EHMT2: variants seen among roughly 807,000 people sequenced by gnomAD.
EHMT2 encodes the protein histone-lysine N-methyltransferase EHMT2.
In EHMT2, 59 loss-of-function variants were observed where a neutral mutation model predicts 143.3. The ratio of observed to expected loss-of-function variants is 0.41; its 90% CI spans 0.33 to 0.51. The LOEUF (loss-of-function observed/expected upper bound fraction) is 0.51. Among genes scored for constraint, EHMT2 ranks in the 20% least tolerant of loss-of-function variants. EHMT2 has a pLI of 0.18. For synonymous variants in EHMT2, 604 were observed against 651.5 expected (o/e 0.93, Z 1.11); for missense variants, 1,174 against 1,645.9 (o/e 0.71, Z 4.96).
chr6:31,892,330 G>C (rs1303876622), intron 7 of EHMT2, 77 bp downstream of exon 7: 2 of 1,506,112 alleles, frequency 1.3e-6, no homozygotes, highest in Non-Finnish European at 9.0e-7. Flanking sequence ...CAGAAAAACA[G>C]GGAACAAGGA....
chr6:31,888,003 G>C lies in EHMT2; in HGVS notation c.1745+38C>G. On this transcript the variant is annotated intron_variant, in intron 13 of 27. Coordinates refer to ENST00000375537, the Ensembl canonical transcript of EHMT2. This position sits in a 1 kb window ranked among gnomAD's most constrained non-coding sequence, Gnocchi z 7.4. The stretch of plus-strand genomic sequence containing the variant: ...TCATGTCCAGGAGCAATAGGGGTGG[G>C]GGAGGGAACAGACAGTACAGAAGGG... 1 of 1,569,462 alleles carries C rather than the reference G, an allele frequency of 6.4e-7. No homozygotes were observed. Among genetic ancestry groups the C allele is most frequent in the Non-Finnish European group, 8.7e-7 (1 of 1,155,850 alleles).
At chr6:31,887,175 T>C in intron 15 of EHMT2, 74 bp from the exon 16 acceptor site, 1 of 1,308,290 alleles carries the variant, frequency 7.6e-7, no homozygotes, top group Admixed American at 2.2e-5. Flanking sequence ...GTGGCACTTC[T>C]TTCAGGAAGG....
Position 31,883,263 on chromosome 6 carries a change from T to G in EHMT2, c.2994+99A>C. 10 of 1,226,474 alleles carry G rather than the reference T, an allele frequency of 8.2e-6. No individual in the cohort carries two copies. The highest frequency in any genetic ancestry group is 1.2e-5 in the Non-Finnish European group (10 of 851,966). The allele number at this position is 1,226,474 out of a possible 1,614,324, so 76.0% of individuals were successfully genotyped here. A position where few individuals can be genotyped will look rare whatever the true frequency, so the allele number is the denominator to read the frequency against. ...CCTCTCAGTCACTTCCCCCACAGGGTAGGAGGTGAGGGACATGGTCCCAGG... is the reference window on the plus strand; with the variant it reads ...CCTCTCAGTCACTTCCCCCACAGGGGAGGAGGTGAGGGACATGGTCCCAGG... On this transcript the variant is annotated intron_variant, in intron 23 of 27. Transcript: ENST00000375537. The surrounding 1 kb of genome is among the most constrained non-coding windows in gnomAD (Gnocchi z 5.6).
rs887059112 is a variant in EHMT2, at chr6:31,889,690, G to A, written c.865-88C>T. The A allele has an allele frequency of 1.2e-5, 18 of 1,536,194 alleles. No individual in the cohort carries two copies. The highest frequency in any genetic ancestry group is 5.5e-5 in the African/African-American group (4 of 73,270). On this transcript the variant is annotated intron_variant, in intron 7 of 27. Transcript: ENST00000375537. The surrounding 1 kb of genome is among the most constrained non-coding windows in gnomAD (Gnocchi z 5.1). Reference sequence around the variant, plus strand: ...AAAACCACCACCACCATTGCCCCCCGCCACTACCCACGGATGGCTGCTGGG... The same window carrying A: ...AAAACCACCACCACCATTGCCCCCCACCACTACCCACGGATGGCTGCTGGG...
rs767697156 is a variant in EHMT2 at position 31,885,021 on chromosome 6, G to A, written c.2344-5C>T. Reference sequence around the variant, plus strand: ...GGGCGTCCACCCCCCACTGTCCTGTGGGTGGGAAGGGAGTGAGGGTGGGGG... The same window carrying A: ...GGGCGTCCACCCCCCACTGTCCTGTAGGTGGGAAGGGAGTGAGGGTGGGGG... On this transcript the variant is annotated splice_region_variant and splice_polypyrimidine_tract_variant and intron_variant, in intron 18 of 27. Transcript: ENST00000375537. 3.7e-6 allele frequency: 6 copies of A among 1,600,662 alleles called. No individual in the cohort carries two copies. In the African/African-American group the frequency reaches 5.4e-5, roughly 14 times the overall value.
At position 31,881,166 on chromosome 6, in the gene EHMT2, T is replaced by C. The variant is rs1376706461; in HGVS notation, c.3198-74A>G. On this transcript the variant is annotated intron_variant, in intron 25 of 27. Coordinates refer to ENST00000375537, the Ensembl canonical transcript of EHMT2. The surrounding 1 kb of genome is among the most constrained non-coding windows in gnomAD (Gnocchi z 4.8). ...AGGTGGCTCCAGGCCCCATCTCTCTTCACAAGCCTGTGGAATCTGGAATGG... is the reference window on the plus strand; with the variant it reads ...AGGTGGCTCCAGGCCCCATCTCTCTCCACAAGCCTGTGGAATCTGGAATGG... 1 of 1,319,696 alleles carries C rather than the reference T, an allele frequency of 7.6e-7. No homozygotes were observed. The highest frequency in any genetic ancestry group is 1.1e-6 in the Non-Finnish European group (1 of 917,358). 81.7% of individuals were successfully genotyped at this position (1,319,696 alleles called of 1,614,324 possible). A position where few individuals can be genotyped will look rare whatever the true frequency, so the allele number is the denominator to read the frequency against.
Position 31,880,721 on chromosome 6 carries a change from C to T in EHMT2, c.3404G>A (p.Arg1135His), listed in dbSNP as rs1422712302. 1.2e-6 allele frequency: 2 copies of T among 1,613,768 alleles called. No homozygotes were observed. The highest frequency in any genetic ancestry group is 1.7e-5 in the Admixed American group (1 of 59,984). ...GTCTCGGGAACTGAAGAAGGCGATGCGTGGAAATCGCAGGTCTTGGTGCAG... is the reference window on the plus strand; with the variant it reads ...GTCTCGGGAACTGAAGAAGGCGATGTGTGGAAATCGCAGGTCTTGGTGCAG... The change falls in exon 27 of 28, where the codon CGC (arginine) becomes CAC (histidine). Residue 1135 changes from arginine (R) to histidine (H), a missense_variant. Arg to His is a conservative substitution (Grantham distance 29). This residue lies in a region of EHMT2 where 44 missense variants were observed against 113.5 expected (regional missense o/e 0.39). Transcript: ENST00000375537. The surrounding 1 kb of genome is among the most constrained non-coding windows in gnomAD (Gnocchi z 6.6).
Position 31,883,034 on chromosome 6 carries a change from G to A in EHMT2, c.2995-25C>T. 6.2e-7 allele frequency: 1 copy of A among 1,603,446 alleles called. No homozygotes were observed. The highest frequency in any genetic ancestry group is 1.1e-5 in the South Asian group (1 of 90,448). On this transcript the variant is annotated intron_variant, in intron 23 of 27. Transcript: ENST00000375537. The surrounding 1 kb of genome is among the most constrained non-coding windows in gnomAD (Gnocchi z 5.6). ...CCTAGGGTGCGGAGGGGAGGATAGT[G>A]GTTTCTCTGTGGGGCCCACCTCAGC...
rs758588843 is a variant in EHMT2, at chr6:31,888,330, G to A, written c.1509+33C>T. ...TTACTGGGGCCCCCTCTGCCACAGG[G>A]CATGCTACCTGTCTGCCCCACTGGT... is the stretch of plus-strand genomic sequence containing the variant. On this transcript the variant is annotated intron_variant, in intron 12 of 27. Transcript: ENST00000375537. The surrounding 1 kb of genome is among the most constrained non-coding windows in gnomAD (Gnocchi z 7.4). The A allele has an allele frequency of 1.9e-5, 31 of 1,611,662 alleles. No homozygotes were observed. Among genetic ancestry groups the A allele is most frequent in the Non-Finnish European group, 2.5e-5 (29 of 1,179,190 alleles).
rs1764576841 is a variant in EHMT2, at chr6:31,884,636, G to C, written c.2603+9C>G. 3 of 1,592,426 alleles carry C rather than the reference G, an allele frequency of 1.9e-6. No individual in the cohort carries two copies. In the African/African-American group the frequency reaches 4.0e-5, roughly 21 times the overall value. On this transcript the variant is annotated intron_variant, in intron 20 of 27. Coordinates refer to ENST00000375537, the Ensembl canonical transcript of EHMT2. The surrounding 1 kb of genome is among the most constrained non-coding windows in gnomAD (Gnocchi z 7.3). ...GGGCAGGGGCATCAAGGGCGGGGCA[G>C]GGGCTCACAGCACGCAGTCATGGTA...
chr6:31,894,097 C>G (rs1436702853), intron 4 of EHMT2, among the ~76,000 whole-genome samples: 3 of 152,086 alleles, frequency 2.0e-5, no homozygotes, highest in Admixed American at 1.3e-4. Context: ...ACCTCTGCCT[C>G]CTGAGTAGCT....
At chr6:31,892,419 G>A (rs1329344330) in exon 7 of EHMT2, 1 of 1,612,932 alleles carries the variant, frequency 6.2e-7, no homozygotes, top group South Asian at 1.1e-5. Flanking sequence ...TGCTGTCGGA[G>A]TCCACGCGCT....
rs1429316325 is a variant in EHMT2, at chr6:31,883,414, G to A, written c.2942C>T (p.Ser981Phe). The A allele has an allele frequency of 1.9e-6, 3 of 1,612,808 alleles. No homozygotes were observed. The highest frequency in any genetic ancestry group is 2.5e-6 in the Non-Finnish European group (3 of 1,179,956). ...CTGGCCGCACAGGCAGTTGGAGCTA[G>A]AGCAGTCGTCCACACACGTGCAGTG... is the stretch of plus-strand genomic sequence containing the variant. The change falls in exon 23 of 28, where the codon TCT becomes TTT. Residue 981 changes from serine (S) to phenylalanine (F), a missense_variant. This residue lies in a region of EHMT2 where 78 missense variants were observed against 144.0 expected (regional missense o/e 0.54). Transcript: ENST00000375537. The surrounding 1 kb of genome is among the most constrained non-coding windows in gnomAD (Gnocchi z 5.6).
Position 31,883,080 on chromosome 6 carries a change from G to A in EHMT2, c.2995-71C>T. The A allele has an allele frequency of 2.2e-6, 3 of 1,381,062 alleles. No individual in the cohort carries two copies. The highest frequency in any genetic ancestry group is 4.7e-5 in the East Asian group (2 of 42,412). 85.6% of individuals were successfully genotyped at this position (1,381,062 alleles called of 1,614,324 possible). A position where few individuals can be genotyped will look rare whatever the true frequency, so the allele number is the denominator to read the frequency against. ...TCAGCTGCCCACCCAGGAACCCCAAGACTCTACAGAGACAGGGAAGTTGGG... is the reference window on the plus strand; with the variant it reads ...TCAGCTGCCCACCCAGGAACCCCAAAACTCTACAGAGACAGGGAAGTTGGG... On this transcript the variant is annotated intron_variant, in intron 23 of 27. Transcript: ENST00000375537. The surrounding 1 kb of genome is among the most constrained non-coding windows in gnomAD (Gnocchi z 5.6).
At chr6:31,879,856 CG>C in exon 28 of EHMT2, 1 of 554,582 alleles carries the variant, frequency 1.8e-6, no homozygotes, top group South Asian at 2.6e-5. Flanking sequence ...ATGGGGAACA[CG>C]GGGGGTGGCC....
At position 31,889,733 on chromosome 6, in the gene EHMT2, G is replaced by A. The variant is rs373053140; in HGVS notation, c.865-131C>T. ...CTGCTGGGGATAAGTGTGGGTAGCA[G>A]AGGAGACAAAGGGCCACATAAAGAG... On this transcript the variant is annotated intron_variant, in intron 7 of 27. Coordinates refer to ENST00000375537, the Ensembl canonical transcript of EHMT2. The surrounding 1 kb of genome is among the most constrained non-coding windows in gnomAD (Gnocchi z 5.1). 1.7e-6 allele frequency: 2 copies of A among 1,181,850 alleles called. No homozygotes were observed. The allele number at this position is 1,181,850 out of a possible 1,614,324, so 73.2% of individuals were successfully genotyped here.
chr6:31,883,736 T>A lies in EHMT2; in HGVS notation c.2916+70A>T. 6.3e-7 allele frequency: 1 copy of A among 1,577,800 alleles called. No individual in the cohort carries two copies. Among genetic ancestry groups the A allele is most frequent in the South Asian group, 1.1e-5 (1 of 89,476 alleles). ...TCCTTGGCCAGGTGCCTTTGCTGGT[T>A]TGAAGCTTGTCCAACTGTACTTGGC... On this transcript the variant is annotated intron_variant, in intron 22 of 27. Transcript: ENST00000375537. The surrounding 1 kb of genome is among the most constrained non-coding windows in gnomAD (Gnocchi z 5.6).
At chr6:31,895,057 C>T (rs1368056502) in intron 4 of EHMT2, among the ~76,000 whole-genome samples, 2 of 152,216 alleles carry the variant, frequency 1.3e-5, no homozygotes, top group African/African-American at 4.8e-5. Context: ...TGAATTGCAA[C>T]TATAAAAATT....
chr6:31,886,937 G>A (rs776322549), intron 16 of EHMT2, 40 bp from the exon 17 acceptor site: 1 of 1,613,886 alleles, frequency 6.2e-7, no homozygotes, highest in South Asian at 1.1e-5. Flanking sequence ...GGAGGCATGG[G>A]GCAGGGGAGG....
Sources: gnomAD v4.1 joint callset for allele counts (sites outside exome capture counted in the v4.1 genomes callset) on GRCh38, gnomAD v4.1.1 for gene constraint, gnomAD v4.1.1 regional missense constraint, Gnocchi (gnomAD v3.1) non-coding constraint, MANE v1.5 for transcripts, NCBI Gene and HGNC (gene_info 2026-07-23, HGNC 2026-07-21) for gene names.